Variants in MACROD1 observed in about 807,000 individuals in gnomAD.
The protein encoded by MACROD1 is ADP-ribose glycohydrolase MACROD1.
Under a neutral mutation model 41.4 loss-of-function variants are expected in MACROD1, and 31 were observed. The observed-to-expected ratio is 0.75, with a 90% confidence interval of 0.56 to 1.01. MACROD1 has a LOEUF of 1.01. Ranked by LOEUF, MACROD1 falls within the 50% of genes least tolerant of loss-of-function variation. The pLI is 0.00. For missense variants in MACROD1, 473 were observed against 460.0 expected (o/e 1.03, Z -0.26); for synonymous variants, 252 against 203.4 (o/e 1.24, Z -2.03).
At chr11:64,029,961 A>C (rs1943272374) in intron 3 of MACROD1, among the ~76,000 whole-genome samples, 1 of 152,104 alleles carries the variant, frequency 6.6e-6, no homozygotes, top group Non-Finnish European at 1.5e-5. Context: ...GGAAGCTCCC[A>C]AGGGAAGGAG....
At chr11:64,007,599 C>A (rs1005688937) in intron 4 of MACROD1, among the ~76,000 whole-genome samples, 8 of 152,072 alleles carry the variant, frequency 5.3e-5, no homozygotes, top group Non-Finnish European at 1.0e-4. Context: ...TTGATTCGAG[C>A]GCGGTGGGAA....
chr11:64,155,965 G>C (rs188116179), intron 1 of MACROD1, among the ~76,000 whole-genome samples: 1 of 151,984 alleles, frequency 6.6e-6, no homozygotes, highest in Non-Finnish European at 1.5e-5. Context: ...AAAATTAGCC[G>C]GGTGTGGTGG....
At chr11:64,101,143 G>A (rs1944663418) in intron 3 of MACROD1, among the ~76,000 whole-genome samples, 2 of 152,102 alleles carry the variant, frequency 1.3e-5, no homozygotes, top group East Asian at 1.9e-4. Flanking sequence ...CCATTGCAGG[G>A]AGGGAGGGAT....
chr11:64,116,551 A>C (rs1416420871), intron 3 of MACROD1: 1 of 1,613,912 alleles, frequency 6.2e-7, no homozygotes, highest in East Asian at 2.2e-5. Flanking sequence ...CAGATCAACA[A>C]CGCCGGCATC....
chr11:64,117,325 G>A (rs761090066), intron 3 of MACROD1: 14 of 1,614,078 alleles, frequency 8.7e-6, no homozygotes, highest in East Asian at 4.5e-5. Flanking sequence ...GTCAACGTGC[G>A]GGGCCTCATG....
At chr11:64,141,544 C>T (rs1024908198) in intron 3 of MACROD1, among the ~76,000 whole-genome samples, 3 of 152,246 alleles carry the variant, frequency 2.0e-5, no homozygotes, top group Non-Finnish European at 4.4e-5. Flanking sequence ...AAGGAACTGG[C>T]GGATCATTCC....
chr11:63,999,705 GGCA>G lies in MACROD1; in HGVS notation c.720_722del (p.Ala241del), dbSNP rs993411343. On this transcript the variant is annotated inframe_deletion, in exon 6 of 11. Coordinates refer to ENST00000255681, the MANE Select transcript of MACROD1 (RefSeq NM_014067.4). ...TGCTCAGGTAGCAGCTGCGGAGCTCGGCAGCCTGACTGGCGCTGGGCTCCCCGT... is the reference window on the plus strand; with the variant it reads ...TGCTCAGGTAGCAGCTGCGGAGCTCGGCCTGACTGGCGCTGGGCTCCCCGT... 1 of 1,608,678 alleles carries G rather than the reference GGCA, an allele frequency of 6.2e-7. No individual in the cohort carries two copies. The highest frequency in any genetic ancestry group is 1.3e-5 in the African/African-American group (1 of 74,846).
At chr11:64,077,821 C>T (rs1401785300) in intron 3 of MACROD1, among the ~76,000 whole-genome samples, 2 of 152,230 alleles carry the variant, frequency 1.3e-5, no homozygotes, top group Non-Finnish European at 2.9e-5. Context: ...GACATTTGGG[C>T]AAGGAGTCTC....
At position 64,165,758 on chromosome 11, in the gene MACROD1, G is replaced by C; in HGVS notation, c.237C>G (p.Ala79=). 6.7e-7 allele frequency: 1 copy of C among 1,499,454 alleles called. No individual in the cohort carries two copies. The highest frequency in any genetic ancestry group is 8.9e-7 in the Non-Finnish European group (1 of 1,129,536). 92.9% of individuals were successfully genotyped at this position (1,499,454 alleles called of 1,614,324 possible). A position where few individuals can be genotyped will look rare whatever the true frequency, so the allele number is the denominator to read the frequency against. ...CCACCTTCGCCGCCATGGCCAGGGG[G>C]GCCCAAGTGCGCACCCCGGCTGTCC... ...VGRTAGVRTW[A]PLAMAAKVDL... Residue 79 remains alanine (A), a synonymous_variant, in exon 1 of 11, where the codon GCC becomes GCG. Transcript: ENST00000255681.
rs963367301 is a variant in MACROD1 at position 64,082,201 on chromosome 11, ATC to A, written c.518-66922_518-66921del. ...CCAGAGCCAGGAGCAGGCGCGAAAC[ATC>A]CCTTAAATATTGGTGCTCTCGGCAG... On this transcript the variant is annotated intron_variant, in intron 3 of 10. Coordinates refer to ENST00000255681, the MANE Select transcript of MACROD1 (RefSeq NM_014067.4). This position sits in a 1 kb window ranked among gnomAD's most constrained non-coding sequence, Gnocchi z 4.5. 5.3e-5 allele frequency among the ~76,000 whole-genome samples: 8 copies of A among 152,084 alleles called. No homozygotes were observed. The highest frequency in any genetic ancestry group is 7.4e-5 in the Non-Finnish European group (5 of 68,004).
chr11:64,042,344 G>C (rs1943503615), intron 3 of MACROD1, among the ~76,000 whole-genome samples: 1 of 152,156 alleles, frequency 6.6e-6, no homozygotes, highest in Non-Finnish European at 1.5e-5. Context: ...TTCCCGTGCA[G>C]TCCCCTGCCC....
At position 64,064,883 on chromosome 11, in the gene MACROD1, G is replaced by C. The variant is rs1042976824; in HGVS notation, c.518-49602C>G. On this transcript the variant is annotated intron_variant, in intron 3 of 10. Transcript: ENST00000255681. This position sits in a 1 kb window ranked among gnomAD's most constrained non-coding sequence, Gnocchi z 4.5. ...ATTCATTCATTCATTCATTTGATGA[G>C]TGCTTCCAGAGCCCACCTATGACGT... is the stretch of plus-strand genomic sequence containing the variant. Among the ~76,000 whole-genome samples, 45 of 150,702 alleles carry C rather than the reference G, an allele frequency of 3.0e-4. No individual in the cohort carries two copies. Among genetic ancestry groups the C allele is most frequent in the African/African-American group, 1.1e-3 (43 of 40,822 alleles).
At chr11:63,999,084 C>G in intron 8 of MACROD1, 48 bp from the exon 9 acceptor site, 1 of 1,527,118 alleles carries the variant, frequency 6.5e-7, no homozygotes, top group Admixed American at 1.9e-5. Context: ...CGCCTGGCCC[C>G]AGGATCCTGT....
In MACROD1 at chr11:64,080,595, G is replaced by A. The variant is rs117787819; in HGVS notation, c.518-65314C>T. On this transcript the variant is annotated intron_variant, in intron 3 of 10. Transcript: ENST00000255681. Reference sequence around the variant, plus strand: ...AGACACCCAGTACAGTGCTCAACACGTAGGCGTTCAGCAAGGGAGGGTTAC... The same window carrying A: ...AGACACCCAGTACAGTGCTCAACACATAGGCGTTCAGCAAGGGAGGGTTAC... Among the ~76,000 whole-genome samples, 102 of 152,342 alleles carry A rather than the reference G, an allele frequency of 6.7e-4. 1 individual carries two copies. The East Asian group carries it at 0.015, about 23-fold the overall frequency.
rs141168377 is a variant in MACROD1, at chr11:64,123,767, G to A, written c.517+27472C>T. 1.3e-4 allele frequency among the ~76,000 whole-genome samples: 20 copies of A among 152,272 alleles called. No homozygotes were observed. The East Asian group carries it at 2.9e-3, about 22-fold the overall frequency. On this transcript the variant is annotated intron_variant, in intron 3 of 10. Coordinates refer to ENST00000255681, the MANE Select transcript of MACROD1 (RefSeq NM_014067.4). ...CTTCCTTTCTGTTCTGGGTGGGTCTGTCTCCAATCCACTCCTTGTGGCCAG... is the reference window on the plus strand; with the variant it reads ...CTTCCTTTCTGTTCTGGGTGGGTCTATCTCCAATCCACTCCTTGTGGCCAG...
rs1350869809 is a variant in MACROD1 at position 64,067,511 on chromosome 11, C to T, written c.518-52230G>A. Among the ~76,000 whole-genome samples the T allele has an allele frequency of 2.0e-5, 3 of 152,128 alleles. No homozygotes were observed. The highest frequency in any genetic ancestry group is 4.4e-5 in the Non-Finnish European group (3 of 68,012). On this transcript the variant is annotated intron_variant, in intron 3 of 10. Transcript: ENST00000255681. The surrounding 1 kb of genome is among the most constrained non-coding windows in gnomAD (Gnocchi z 4.6). ...ATAGGTCGGGGACGGGGACAGACGG[C>T]ACCTCCCCAACTCCCCAGCCCCTCC...
chr11:64,062,611 G>A (rs1449018682), intron 3 of MACROD1, among the ~76,000 whole-genome samples: 1 of 149,030 alleles, frequency 6.7e-6, no homozygotes, highest in Non-Finnish European at 1.5e-5. Flanking sequence ...CCTGGGCGCT[G>A]GGGATGGAGC....
intron 4 of MACROD1, among the ~76,000 whole-genome samples, chr11:64,008,091 C>G (rs972948075): frequency 6.6e-6 from 1 of 152,340 alleles, no homozygotes; most frequent in African/African-American, 2.4e-5. Flanking sequence ...AGGAGTCGAG[C>G]GCTGAATACT....
chr11:64,109,785 G>A lies in MACROD1; in HGVS notation c.517+41454C>T, dbSNP rs373775207. ...GCTGCCAGCATGGCTTGGGGGAGGG[G>A]CAGGGTTGCACCCACACAGTTTGAG... On this transcript the variant is annotated intron_variant, in intron 3 of 10. Transcript: ENST00000255681. 5.3e-5 allele frequency among the ~76,000 whole-genome samples: 8 copies of A among 152,272 alleles called. No homozygotes were observed. In the East Asian group the frequency reaches 1.4e-3, roughly 26 times the overall value.
Sources: allele counts gnomAD v4.1 joint callset (sites outside exome capture counted in the v4.1 genomes callset), GRCh38; gene constraint gnomAD v4.1.1; non-coding constraint Gnocchi (gnomAD v3.1); transcripts MANE v1.5; gene names NCBI Gene and HGNC (gene_info 2026-07-23, HGNC 2026-07-21).